Variants in OSBPL8 observed in about 807,000 individuals in gnomAD.
OSBPL8 encodes oxysterol-binding protein-related protein 8.
Under a neutral mutation model 125.5 loss-of-function variants are expected in OSBPL8, and 59 were observed. The observed-to-expected ratio is 0.47, with a 90% confidence interval of 0.38 to 0.58. OSBPL8 has a LOEUF of 0.58. Ranked by LOEUF, OSBPL8 falls within the 20% of genes least tolerant of loss-of-function variation. The pLI, the probability that OSBPL8 is intolerant of heterozygous loss-of-function variation, is 0.00. For synonymous variants in OSBPL8, 330 were observed against 338.9 expected (o/e 0.97, Z 0.29); for missense variants, 758 against 1,047.8 (o/e 0.72, Z 3.82).
intron 12 of OSBPL8, 25 bp downstream of exon 12, chr12:76,389,620 T>A: frequency 6.8e-7 from 1 of 1,470,132 alleles, no homozygotes; most frequent in Non-Finnish European, 9.2e-7. Context: ...GTATTGTCTA[T>A]TTTAAGAAAT....
At chr12:76,375,479 ACT>A in intron 16 of OSBPL8, 109 bp from the exon 17 acceptor site, 1 of 675,046 alleles carries the variant, frequency 1.5e-6, no homozygotes, top group Non-Finnish European at 2.5e-6. Flanking sequence ...ATTCAAAATC[ACT>A]CTGTCCCACT....
chr12:76,427,517 CA>C (rs1026241241), intron 4 of OSBPL8, among the ~76,000 whole-genome samples: 3 of 151,752 alleles, frequency 2.0e-5, no homozygotes, highest in African/African-American at 7.3e-5. Context: ...AAGGGAAACA[CA>C]AATACTCTTT....
chr12:76,355,759 T>C lies in OSBPL8; in HGVS notation c.*130A>G. ...ATAAAAGATACGAAAAGTCAATACC[T>C]CTACATTTATCTCCTAGGTTTTTTT... is the stretch of plus-strand genomic sequence containing the variant. On this transcript the variant is annotated 3_prime_UTR_variant, in exon 24 of 24. Coordinates refer to ENST00000261183, the MANE Select transcript of OSBPL8 (RefSeq NM_020841.5). 1 of 967,730 alleles carries C rather than the reference T, an allele frequency of 1.0e-6. No homozygotes were observed. Among genetic ancestry groups the C allele is most frequent in the African/African-American group, 1.7e-5 (1 of 60,172 alleles). The allele number at this position is 967,730 out of a possible 1,614,324, so 59.9% of individuals were successfully genotyped here.
intron 1 of OSBPL8, among the ~76,000 whole-genome samples, chr12:76,523,231 T>A (rs141513233): frequency 6.6e-6 from 1 of 152,214 alleles, no homozygotes; most frequent in Non-Finnish European, 1.5e-5. Context: ...CTTATTTTTA[T>A]ATTTTTTAGA....
At chr12:76,405,236 AT>A (rs1429247796) in intron 5 of OSBPL8, among the ~76,000 whole-genome samples, 1 of 152,048 alleles carries the variant, frequency 6.6e-6, no homozygotes, top group Non-Finnish European at 1.5e-5. Flanking sequence ...AGGCGGGAGG[AT>A]TGCTTGAGCC....
At chr12:76,390,363 T>C in intron 11 of OSBPL8, 57 bp downstream of exon 11, 1 of 1,268,238 alleles carries the variant, frequency 7.9e-7, no homozygotes, top group Non-Finnish European at 1.1e-6. Flanking sequence ...TTCAATTTCA[T>C]TTAAGAATTC....
At chr12:76,535,997 T>C (rs535935353) in intron 1 of OSBPL8, among the ~76,000 whole-genome samples, 6 of 152,294 alleles carry the variant, frequency 3.9e-5, no homozygotes, top group African/African-American at 1.2e-4. Flanking sequence ...TGAATCAAAC[T>C]ATGTACTTAA....
chr12:76,386,543 C>T, intron 13 of OSBPL8, 36 bp downstream of exon 13: 2 of 1,513,538 alleles, frequency 1.3e-6, no homozygotes, highest in Non-Finnish European at 1.8e-6. Flanking sequence ...ATTCATAAAA[C>T]ACTAAAGACA....
chr12:76,443,132 T>C (rs1034974085), intron 4 of OSBPL8, among the ~76,000 whole-genome samples: 1 of 152,172 alleles, frequency 6.6e-6, no homozygotes, highest in African/African-American at 2.4e-5. Context: ...ATTAAGCAGG[T>C]TAAAGTTTTT....
rs1485313494 is a variant in OSBPL8, at chr12:76,390,593, C to T, written c.994G>A (p.Asp332Asn). ...TCATGTTCTTGATCATTTTCTTTAT[C>T]AGATTTATCAGAATACATATCTTGG... Reference protein sequence around the residue: ...KDQDMYSDKSDKENDQEHDES... With the variant: ...KDQDMYSDKSNKENDQEHDES... The change falls in exon 11 of 24, where the codon GAT becomes AAT. Residue 332 changes from aspartate to asparagine, a missense_variant. Physicochemically the swap from Asp to Asn is conservative, Grantham distance 23. Around this residue, in one of 3 missense-constraint regions of OSBPL8, gnomAD observed 572 missense variants for 762.0 expected, o/e 0.75. Transcript: ENST00000261183. 6.2e-7 allele frequency: 1 copy of T among 1,613,526 alleles called. No individual in the cohort carries two copies. Among genetic ancestry groups the T allele is most frequent in the Admixed American group, 1.7e-5 (1 of 59,974 alleles).
At chr12:76,366,624 T>A in intron 21 of OSBPL8, 1 of 435,964 alleles carries the variant, frequency 2.3e-6, no homozygotes, top group South Asian at 1.6e-5. Context: ...TCTCACGGAA[T>A]GAAGTAAGGT....
intron 1 of OSBPL8, among the ~76,000 whole-genome samples, chr12:76,528,318 G>A (rs1226812668): frequency 2.3e-5 from 3 of 128,204 alleles, no homozygotes; most frequent in Non-Finnish European, 3.2e-5. Context: ...CATGCAGAAC[G>A]AGACTCCGTC....
intron 1 of OSBPL8, among the ~76,000 whole-genome samples, chr12:76,547,519 G>T (rs1950814172): frequency 6.6e-6 from 1 of 152,102 alleles, no homozygotes; most frequent in Non-Finnish European, 1.5e-5. Flanking sequence ...CAATGAACTT[G>T]CCAGGCAATC....
chr12:76,402,542 A>G, intron 6 of OSBPL8, 147 bp downstream of exon 6: 2 of 653,034 alleles, frequency 3.1e-6, no homozygotes, highest in Admixed American at 6.0e-5. Context: ...AAATATTAAC[A>G]TTTTCTATGT....
intron 1 of OSBPL8, among the ~76,000 whole-genome samples, chr12:76,515,009 C>T (rs1881392348): frequency 1.3e-5 from 2 of 152,182 alleles, no homozygotes; most frequent in African/African-American, 2.4e-5. Flanking sequence ...TAATTAGGTT[C>T]TTTTTTATAC....
In OSBPL8 at chr12:76,390,591, A is replaced by C; in HGVS notation, c.996T>G (p.Asp332Glu). The C allele has an allele frequency of 6.2e-7, 1 of 1,613,650 alleles. No individual in the cohort carries two copies. The highest frequency in any genetic ancestry group is 8.5e-7 in the Non-Finnish European group (1 of 1,179,786). ...CATCATGTTCTTGATCATTTTCTTT[A>C]TCAGATTTATCAGAATACATATCTT... is the stretch of plus-strand genomic sequence containing the variant. Reference protein sequence around the residue: ...KDQDMYSDKSDKENDQEHDES... With the variant: ...KDQDMYSDKSEKENDQEHDES... Residue 332 changes from aspartate (D) to glutamate (E), a missense_variant, in exon 11 of 24, where the codon GAT becomes GAG. By Grantham distance (45) the Asp-to-Glu change is conservative. Coordinates refer to ENST00000261183, the MANE Select transcript of OSBPL8 (RefSeq NM_020841.5).
intron 10 of OSBPL8, 22 bp from the exon 11 acceptor site, chr12:76,390,679 G>A (rs780780997): frequency 3.5e-6 from 5 of 1,438,484 alleles, no homozygotes; most frequent in African/African-American, 2.8e-5. Context: ...GAATTTTTAG[G>A]AGGAAGAATC....
At chr12:76,393,026 A>G (rs540748221) in intron 9 of OSBPL8, among the ~76,000 whole-genome samples, 4 of 152,360 alleles carry the variant, frequency 2.6e-5, no homozygotes, top group Non-Finnish European at 4.4e-5. Flanking sequence ...ATCTTAGAAC[A>G]TTAACATGCA....
chr12:76,493,170 A>G (rs751982662), intron 1 of OSBPL8, among the ~76,000 whole-genome samples: 4 of 152,160 alleles, frequency 2.6e-5, no homozygotes, highest in Non-Finnish European at 5.9e-5. Context: ...GGAATATTAT[A>G]TGCTCTACAT....
Sources: allele counts gnomAD v4.1 joint callset (sites outside exome capture counted in the v4.1 genomes callset), GRCh38; gene constraint gnomAD v4.1.1; regional missense constraint gnomAD v4.1.1; transcripts MANE v1.5; gene names NCBI Gene and HGNC (gene_info 2026-07-23, HGNC 2026-07-21).